The following MYO15A variants were observed in gnomAD, a reference collection of about 807,000 sequenced individuals.
The protein encoded by MYO15A is unconventional myosin-XV.
MYO15A carries 308 observed loss-of-function variants against 394.6 expected under a neutral mutation model. The ratio of observed to expected loss-of-function variants is 0.78; its 90% CI spans 0.71 to 0.86. MYO15A has a LOEUF of 0.86. Ranked by LOEUF, MYO15A falls within the 40% of genes least tolerant of loss-of-function variation. The probability of loss-of-function intolerance (pLI) is 0.00; values close to 1 mark genes in which losing one functional copy is unlikely to be tolerated. For synonymous variants in MYO15A, 1,957 were observed against 2,003.8 expected, an observed-to-expected ratio of 0.98 and a Z score of 0.62; for missense variants, 4,606 against 4,799.1, an observed-to-expected ratio of 0.96 and a Z score of 1.19.
intron 51 of MYO15A, 109 bp downstream of exon 51, chr17:18,158,009 T>C: frequency 7.2e-7 from 1 of 1,387,918 alleles, no homozygotes; most frequent in Non-Finnish European, 9.5e-7. Context: ...GGCCAGGCTC[T>C]TGGGGCGTGG....
chr17:18,143,460 C>G, intron 25 of MYO15A, 106 bp from the exon 26 acceptor site: 1 of 1,299,042 alleles, frequency 7.7e-7, no homozygotes, highest in Non-Finnish European at 1.1e-6. Context: ...GCAAGCTGCC[C>G]CCCTTGCTTG....
chr17:18,111,081 G>A (rs1052694486), intron 1 of MYO15A, among the ~76,000 whole-genome samples: 4 of 152,180 alleles, frequency 2.6e-5, no homozygotes, highest in Non-Finnish European at 4.4e-5. Flanking sequence ...GATCATACCT[G>A]TAAACCCAAC....
chr17:18,127,279 G>A, intron 7 of MYO15A, 114 bp downstream of exon 7: 1 of 1,291,990 alleles, frequency 7.7e-7, no homozygotes, highest in South Asian at 1.3e-5. Context: ...AGGAGGCTGA[G>A]TTCCAGAAGG....
Position 18,120,795 on chromosome 17 carries a change from G to GC in MYO15A, c.2000dup (p.Arg668AlafsTer312). 3.8e-6 allele frequency: 5 copies of GC among 1,304,246 alleles called. No homozygotes were observed. The highest frequency in any genetic ancestry group is 1.9e-5 in the South Asian group (1 of 52,818). The allele number at this position is 1,304,246 out of a possible 1,614,324, so 80.8% of individuals were successfully genotyped here. On this transcript the variant is annotated frameshift_variant, in exon 2 of 66. Transcript: ENST00000647165. LOFTEE classifies it high-confidence loss of function. ...GGAGCGCGCTCCTGTCTCCGCCCGTGCCCCCGCGGCCCCCAAGCTCCGGGC... is the reference window on the plus strand; with the variant it reads ...GGAGCGCGCTCCTGTCTCCGCCCGTGCCCCCCGCGGCCCCCAAGCTCCGGGC...
intron 4 of MYO15A, among the ~76,000 whole-genome samples, chr17:18,126,132 A>C (rs527644594): frequency 6.2e-4 from 94 of 152,150 alleles, no homozygotes; most frequent in African/African-American, 2.2e-3. Context: ...CTCACTCCAG[A>C]CTCCTCTCAG....
Position 18,121,116 on chromosome 17 carries a change from G to C in MYO15A, c.2316G>C (p.Pro772=), listed in dbSNP as rs758361924. The change falls in exon 2 of 66, where the codon CCG becomes CCC. Residue 772 remains proline, a synonymous_variant. Coordinates refer to ENST00000647165, the MANE Select transcript of MYO15A (RefSeq NM_016239.4). This position sits in a 1 kb window ranked among gnomAD's most constrained non-coding sequence, Gnocchi z 5.3. ...CGTCGCGGAGGCGAGCTTGGTCACC[G>C]CTGGCCTCGCCCCAGCCCTCGCTGA... is the stretch of plus-strand genomic sequence containing the variant. ...PRASRRRAWS[P]LASPQPSLRS... The C allele has an allele frequency of 6.6e-7, 1 of 1,505,162 alleles. No individual in the cohort carries two copies. The highest frequency in any genetic ancestry group is 8.8e-7 in the Non-Finnish European group (1 of 1,131,804). The allele number at this position is 1,505,162 out of a possible 1,614,324, so 93.2% of individuals were successfully genotyped here. A position where few individuals can be genotyped will look rare whatever the true frequency, so the allele number is the denominator to read the frequency against.
At position 18,153,902 on chromosome 17, in the gene MYO15A, G is replaced by C. The variant is rs369072311; in HGVS notation, c.8088+6G>C. ...AGATCTTCCTGCGCAAAGAGGTGCC[G>C]AGCACAGCCGTAGCCAGGGGAGGGG... On this transcript the variant is annotated splice_donor_region_variant and intron_variant, in intron 43 of 65. Transcript: ENST00000647165. This position sits in a 1 kb window ranked among gnomAD's most constrained non-coding sequence, Gnocchi z 4.1. The C allele has an allele frequency of 6.2e-7, 1 of 1,613,442 alleles. No homozygotes were observed. Among genetic ancestry groups the C allele is most frequent in the Non-Finnish European group, 8.5e-7 (1 of 1,179,996 alleles).
chr17:18,144,674 C>T, intron 29 of MYO15A, 82 bp downstream of exon 29: 2 of 1,398,608 alleles, frequency 1.4e-6, no homozygotes, highest in African/African-American at 1.4e-5. Context: ...GTCTTCCCAG[C>T]CCTCCCCAAG....
rs2046394223 is a variant in MYO15A, at chr17:18,142,181, A to G, written c.5752A>G (p.Ile1918Val). The G allele has an allele frequency of 1.5e-5, 25 of 1,613,808 alleles. No individual in the cohort carries two copies. Among genetic ancestry groups the G allele is most frequent in the Non-Finnish European group, 2.0e-5 (24 of 1,180,018 alleles). ...GCAGCGCTGCCTCCGTGGCTTCTTC[A>G]TTAAGCGGCGATTCCGCTCTCTGCG... ...TLQRCLRGFF[I>V]KRRFRSLRHK... The change falls in exon 24 of 66, where the codon ATT becomes GTT. Residue 1918 changes from isoleucine to valine, a missense_variant. Physicochemically the swap from Ile to Val is conservative, Grantham distance 29 (BLOSUM62 3). Around this residue, in one of 2 missense-constraint regions of MYO15A, gnomAD observed 2,776 missense variants for 3,109.3 expected, o/e 0.89. Coordinates refer to ENST00000647165, the MANE Select transcript of MYO15A (RefSeq NM_016239.4).
chr17:18,140,718 C>G, intron 20 of MYO15A, 53 bp downstream of exon 20: 4 of 1,614,168 alleles, frequency 2.5e-6, no homozygotes, highest in Non-Finnish European at 3.4e-6. Flanking sequence ...TAACCCACCT[C>G]ATGACCCTCA....
intron 62 of MYO15A, chr17:18,169,476 T>TAAC (rs1328982331): frequency 1.4e-5 from 2 of 139,378 alleles, no homozygotes; most frequent in African/African-American, 5.4e-5. Context: ...ATAATAATAA[T>TAAC]AACAGGACCT....
In MYO15A at chr17:18,153,698, C is replaced by CAA; in HGVS notation, c.7967-73_7967-72dup. 1 of 1,298,002 alleles carries CAA rather than the reference C, an allele frequency of 7.7e-7. No homozygotes were observed. Among genetic ancestry groups the CAA allele is most frequent in the Non-Finnish European group, 9.9e-7 (1 of 1,007,796 alleles). The allele number at this position is 1,298,002 out of a possible 1,614,324, so 80.4% of individuals were successfully genotyped here. A position where few individuals can be genotyped will look rare whatever the true frequency, so the allele number is the denominator to read the frequency against. ...GGGGGACAACAGCGAAACTCCGTCTCAAAAATATATATATATATTAATTAA... is the reference window on the plus strand; with the variant it reads ...GGGGGACAACAGCGAAACTCCGTCTCAAAAAAATATATATATATATTAATTAA... On this transcript the variant is annotated intron_variant, in intron 42 of 65. Coordinates refer to ENST00000647165, the MANE Select transcript of MYO15A (RefSeq NM_016239.4). The surrounding 1 kb of genome is among the most constrained non-coding windows in gnomAD (Gnocchi z 4.1).
Position 18,158,584 on chromosome 17 carries a change from A to G in MYO15A, c.9029A>G (p.Tyr3010Cys), listed in dbSNP as rs756628195. ...HGEDALALPP[Y>C]TMLEFAQKYF... is the part of the protein sequence containing the mutation. Reference sequence around the variant, plus strand: ...GAGGACGCCCTGGCGCTCCCACCCTACACAATGCTCGAGTTTGCCCAGAAG... The same window carrying G: ...GAGGACGCCCTGGCGCTCCCACCCTGCACAATGCTCGAGTTTGCCCAGAAG... Residue 3010 changes from tyrosine to cysteine, a missense_variant, in exon 52 of 66, where the codon TAC (tyrosine) becomes TGC (cysteine). This residue lies in a region of MYO15A where 2,776 missense variants were observed against 3,109.3 expected (regional missense o/e 0.89). Transcript: ENST00000647165. 6.2e-7 allele frequency: 1 copy of G among 1,614,030 alleles called. No homozygotes were observed. The highest frequency in any genetic ancestry group is 1.3e-5 in the African/African-American group (1 of 74,922).
intron 4 of MYO15A, 163 bp downstream of exon 4, chr17:18,125,394 T>G (rs1275162937): frequency 1.4e-6 from 1 of 724,052 alleles, no homozygotes; most frequent in East Asian, 2.7e-5. Context: ...AAACACAGTC[T>G]TAGAATGGTG....
Position 18,143,620 on chromosome 17 carries a change from G to T in MYO15A, c.5964+1G>T. 6.4e-7 allele frequency: 1 copy of T among 1,567,318 alleles called. No homozygotes were observed. The highest frequency in any genetic ancestry group is 2.4e-5 in the East Asian group (1 of 42,432). On this transcript the variant is annotated splice_donor_variant, in intron 26 of 65. Transcript: ENST00000647165. LOFTEE classifies it high-confidence loss of function. ...GGGGGCGCTGCTGTGGGAGCAGGAG[G>T]TGGGTGTGGGTCTGGGTGGCAGCAG...
chr17:18,159,717 G>GTTCTGTGGTTCAGTTTCCCC, intron 55 of MYO15A, 38 bp downstream of exon 55: 1 of 1,606,014 alleles, frequency 6.2e-7, no homozygotes, highest in Non-Finnish European at 8.5e-7. Context: ...CCCCTTTCCT[G>GTTCTGTGGTTCAGTTTCCCC]CTCTGTGGTT....
chr17:18,119,141 G>C lies in MYO15A; in HGVS notation c.341G>C (p.Arg114Pro). ...TTCATGGTGATCCGCTTCCCAGGCC[G>C]CCGTGGCTACGGCCGCCTGCGGCCG... Reference protein sequence around the residue: ...PSFMVIRFPGRRGYGRLRPRA... With the variant: ...PSFMVIRFPGPRGYGRLRPRA... Residue 114 changes from arginine (R) to proline (P), a missense_variant, in exon 2 of 66, where the codon CGC becomes CCC. Physicochemically the swap from Arg to Pro is moderately radical, Grantham distance 103. Around this residue, in one of 2 missense-constraint regions of MYO15A, gnomAD observed 1,830 missense variants for 1,689.7 expected, o/e 1.08. Coordinates refer to ENST00000647165, the MANE Select transcript of MYO15A (RefSeq NM_016239.4). The C allele has an allele frequency of 1.9e-6, 3 of 1,611,858 alleles. No individual in the cohort carries two copies. The highest frequency in any genetic ancestry group is 2.2e-5 in the East Asian group (1 of 44,864).
At chr17:18,157,309 G>A in intron 50 of MYO15A, 79 bp downstream of exon 50, 1 of 1,537,756 alleles carries the variant, frequency 6.5e-7, no homozygotes, top group East Asian at 2.4e-5. Context: ...CACAGTGAGG[G>A]TTTCTTGGTG....
intron 29 of MYO15A, among the ~76,000 whole-genome samples, chr17:18,145,118 G>A (rs1271006193): frequency 1.3e-5 from 2 of 152,216 alleles, no homozygotes; most frequent in African/African-American, 2.4e-5. Context: ...GGGCAAGGGT[G>A]AGACTGGCCA....
Sources: gnomAD v4.1 joint callset for allele counts (sites outside exome capture counted in the v4.1 genomes callset) on GRCh38, gnomAD v4.1.1 for gene constraint, gnomAD v4.1.1 regional missense constraint, Gnocchi (gnomAD v3.1) non-coding constraint, MANE v1.5 for transcripts, NCBI Gene and HGNC (gene_info 2026-07-23, HGNC 2026-07-21) for gene names.